The following ADAMTSL1 variants were observed in gnomAD, a reference collection of about 807,000 sequenced individuals.
ADAMTSL1 encodes the protein ADAMTS-like protein 1.
Under a neutral mutation model 201.8 loss-of-function variants are expected in ADAMTSL1, and 126 were observed. That is an observed-to-expected ratio of 0.62 (90% CI 0.54 to 0.72). ADAMTSL1 has a LOEUF of 0.72. Ranked by LOEUF, ADAMTSL1 falls within the 30% of genes least tolerant of loss-of-function variation. The pLI, the probability that ADAMTSL1 is intolerant of heterozygous loss-of-function variation, is 0.00. For synonymous variants in ADAMTSL1, 1,121 were observed against 903.4 expected (o/e 1.24, Z -4.32); for missense variants, 2,679 against 2,277.8 (o/e 1.18, Z -3.59).
At chr9:18,056,892 T>A (rs961840428) in intron 1 of ADAMTSL1, among the ~76,000 whole-genome samples, 28 of 152,122 alleles carry the variant, frequency 1.8e-4, no homozygotes, top group African/African-American at 6.5e-4. Flanking sequence ...TCCTTTAACA[T>A]GTTTTTTTCA....
At chr9:18,749,302 G>A (rs1384761043) in intron 15 of ADAMTSL1, among the ~76,000 whole-genome samples, 3 of 152,162 alleles carry the variant, frequency 2.0e-5, no homozygotes, top group Non-Finnish European at 4.4e-5. Flanking sequence ...TTACAAGTAT[G>A]TTGAGAATTT....
At chr9:18,626,846 T>TCTTTCTTTCTTA (rs1826395526) in intron 5 of ADAMTSL1, among the ~76,000 whole-genome samples, 1 of 128,910 alleles carries the variant, frequency 7.8e-6, no homozygotes, top group Non-Finnish European at 1.6e-5. Flanking sequence ...TCTTTTTCTT[T>TCTTTCTTTCTTA]CTTTCTTTCT....
chr9:18,314,541 C>T (rs906183894), intron 2 of ADAMTSL1, among the ~76,000 whole-genome samples: 2 of 150,504 alleles, frequency 1.3e-5, no homozygotes, highest in Non-Finnish European at 2.9e-5. Flanking sequence ...TTGTTCCTTC[C>T]TCCCGTCCGC....
chr9:18,080,710 AAAC>A (rs530208651), intron 1 of ADAMTSL1, among the ~76,000 whole-genome samples: 109 of 152,306 alleles, frequency 7.2e-4, no homozygotes, highest in South Asian at 1.5e-3. Context: ...TTTACATTTA[AAAC>A]ACCAATTAAG....
intron 19 of ADAMTSL1, among the ~76,000 whole-genome samples, chr9:18,783,226 G>C (rs1032694405): frequency 6.6e-6 from 1 of 152,190 alleles, no homozygotes; most frequent in Non-Finnish European, 1.5e-5. Context: ...TCAAGTGCTG[G>C]TGTAGGATGA....
intron 15 of ADAMTSL1, among the ~76,000 whole-genome samples, chr9:18,752,237 A>C (rs12554232): frequency 0.43 from 65,809 of 151,562 alleles, 15,348 homozygotes; most frequent in South Asian, 0.56. Context: ...TAGTGGAAAC[A>C]GGTTGGAAAG....
rs565149170 is a variant in ADAMTSL1 at position 18,027,268 on chromosome 9, T to A, written c.87+120346T>A. On this transcript the variant is annotated intron_variant, in intron 1 of 29. Transcript: ENST00000680146. ...TTCTTCTGCTAGCTTGGGGGTTGAT[T>A]TGCTCTTGTTTTTCTAATTTCTCTA... Among the ~76,000 whole-genome samples, 47 of 151,956 alleles carry A rather than the reference T, an allele frequency of 3.1e-4. 1 individual carries two copies. The South Asian group carries it at 9.7e-3, about 31-fold the overall frequency.
Position 18,504,823 on chromosome 9 carries a change from TCA to T in ADAMTSL1, c.64-3_64-2del. 1 of 1,614,224 alleles carries T rather than the reference TCA, an allele frequency of 6.2e-7. No individual in the cohort carries two copies. Among genetic ancestry groups the T allele is most frequent in the Non-Finnish European group, 8.5e-7 (1 of 1,180,036 alleles). On this transcript the variant is annotated splice_polypyrimidine_tract_variant and splice_region_variant and intron_variant, in intron 1 of 28. Transcript: ENST00000380548. The stretch of plus-strand genomic sequence containing the variant: ...ATGATGCTGACCATTCTTTTGTTTC[TCA>T]CAGAGTTCCAGGACCGCACGCTCCG...
chr9:18,122,586 T>A (rs1866289108), intron 1 of ADAMTSL1, among the ~76,000 whole-genome samples: 1 of 152,144 alleles, frequency 6.6e-6, no homozygotes, highest in African/African-American at 2.4e-5. Context: ...TTTTCTGTGG[T>A]TTTTTTGAAG....
At chr9:18,735,745 T>A in intron 15 of ADAMTSL1, among the ~76,000 whole-genome samples, 1 of 133,480 alleles carries the variant, frequency 7.5e-6, no homozygotes, top group South Asian at 2.6e-4. Context: ...GGCATTCTTT[T>A]TTCTTTTTTT....
At chr9:18,335,910 G>A (rs1469255919) in intron 2 of ADAMTSL1, among the ~76,000 whole-genome samples, 2 of 152,006 alleles carry the variant, frequency 1.3e-5, no homozygotes, top group African/African-American at 4.8e-5. Context: ...CAAAAATTCT[G>A]GATTCCTGCC....
chr9:18,846,331 G>A (rs1397278498), intron 23 of ADAMTSL1, among the ~76,000 whole-genome samples: 1 of 152,194 alleles, frequency 6.6e-6, no homozygotes, highest in Non-Finnish European at 1.5e-5. Flanking sequence ...AGATTGCTTT[G>A]AGAAACCAAT....
At chr9:18,696,072 C>T (rs1297115728) in intron 13 of ADAMTSL1, among the ~76,000 whole-genome samples, 1 of 152,180 alleles carries the variant, frequency 6.6e-6, no homozygotes, top group Non-Finnish European at 1.5e-5. Context: ...AGCTCACTAT[C>T]ACAAGAACAG....
chr9:18,336,028 T>C (rs1325690842), intron 2 of ADAMTSL1, among the ~76,000 whole-genome samples: 1 of 152,148 alleles, frequency 6.6e-6, no homozygotes, highest in African/African-American at 2.4e-5. Flanking sequence ...CACAGTCTTA[T>C]ATGAAGATGA....
At chr9:17,935,882 C>T (rs1281059853) in intron 1 of ADAMTSL1, among the ~76,000 whole-genome samples, 1 of 152,184 alleles carries the variant, frequency 6.6e-6, no homozygotes, top group Non-Finnish European at 1.5e-5. Context: ...TCAGGTTATG[C>T]TACTCCTGCT....
intron 23 of ADAMTSL1, among the ~76,000 whole-genome samples, chr9:18,878,460 G>A: frequency 6.6e-6 from 1 of 152,156 alleles, no homozygotes; most frequent in Middle Eastern, 3.2e-3. Flanking sequence ...GAGCCAACAG[G>A]GCTCTTCCCA....
chr9:18,868,202 TA>T (rs1480483276), intron 23 of ADAMTSL1, among the ~76,000 whole-genome samples: 6 of 152,224 alleles, frequency 3.9e-5, no homozygotes, highest in African/African-American at 1.4e-4. Context: ...TCTTCCTCAG[TA>T]TGCACACATT....
chr9:18,383,200 C>G (rs925000293), intron 2 of ADAMTSL1, among the ~76,000 whole-genome samples: 7 of 152,094 alleles, frequency 4.6e-5, no homozygotes, highest in African/African-American at 1.7e-4. Context: ...AATAAGGTAA[C>G]TTAAATTACA....
intron 1 of ADAMTSL1, among the ~76,000 whole-genome samples, chr9:17,977,933 T>C (rs1399097312): frequency 1.3e-5 from 2 of 152,062 alleles, no homozygotes; most frequent in Non-Finnish European, 2.9e-5. Context: ...CATTATTGTA[T>C]TGCTATTTCC....
Sources: allele counts gnomAD v4.1 joint callset (sites outside exome capture counted in the v4.1 genomes callset), GRCh38; gene constraint gnomAD v4.1.1; transcripts MANE v1.5; gene names NCBI Gene and HGNC (gene_info 2026-07-23, HGNC 2026-07-21).